The following AZIN2 variants were observed in gnomAD, a reference collection of about 807,000 sequenced individuals.
AZIN2 encodes the protein antizyme inhibitor 2, also known as ODC antizyme inhibitor-2.
A neutral mutation model predicts 47.8 loss-of-function variants in AZIN2; 28 were observed. The observed-to-expected ratio is 0.59, with a 90% CI of 0.43 to 0.80. The LOEUF is 0.80. Ranked by LOEUF, AZIN2 falls within the 30% of genes least tolerant of loss-of-function variation. AZIN2 has a pLI of 0.00. For missense variants in AZIN2, 535 were observed against 582.5 expected (o/e 0.92, Z 0.84); for synonymous variants, 221 against 239.4 (o/e 0.92, Z 0.71).
chr1:33,165,800 C>T, the AZIN2 span: 4 of 389,570 alleles, frequency 1.0e-5, no homozygotes, highest in Admixed American at 1.3e-4. This position sits in a 1 kb window ranked among gnomAD's most constrained non-coding sequence, Gnocchi z 4.0. Context: ...CCTCTTTGGC[C>T]ACCCTAGAGG....
At chr1:33,084,218 G>A (rs1641616984) in intron 5 of AZIN2, 91 bp downstream of exon 5, 1 of 1,503,632 alleles carries the variant, frequency 6.7e-7, no homozygotes, top group South Asian at 1.2e-5. Context: ...GGGAGCAAGA[G>A]GTACCTGTAG....
chr1:33,083,948 A>G lies in AZIN2; in HGVS notation c.106-6A>G, dbSNP rs1184420119. ...GTCTCACATTCATCCACTTCTTGTC[A>G]TTCAGGACGAGGTAGCTGCCTTCTT... On this transcript the variant is annotated splice_polypyrimidine_tract_variant and splice_region_variant and intron_variant, in intron 4 of 11. Coordinates refer to ENST00000294517, the MANE Select transcript of AZIN2 (RefSeq NM_052998.4). 1 of 1,613,934 alleles carries G rather than the reference A, an allele frequency of 6.2e-7. No homozygotes were observed. Among genetic ancestry groups the G allele is most frequent in the Admixed American group, 1.7e-5 (1 of 60,004 alleles).
intron 5 of AZIN2, 53 bp from the exon 6 acceptor site, chr1:33,091,997 C>T (rs1398789818): frequency 6.8e-5 from 107 of 1,582,596 alleles, no homozygotes; most frequent in East Asian, 2.5e-4. Context: ...CCTTGGGCTC[C>T]GTGGGCTAGC....
intron 11 of AZIN2, 199 bp downstream of exon 11, chr1:33,118,315 T>C (rs1644658396): frequency 1.9e-6 from 1 of 527,126 alleles, no homozygotes; most frequent in Non-Finnish European, 3.2e-6. Context: ...CTCACAGCCC[T>C]GAGGGAGGCA....
At chr1:33,165,739 A>C in the AZIN2 span, 3 of 452,452 alleles carry the variant, frequency 6.6e-6, no homozygotes, top group South Asian at 9.6e-5. This position sits in a 1 kb window ranked among gnomAD's most constrained non-coding sequence, Gnocchi z 4.0. Flanking sequence ...TCTCCTAAAC[A>C]CCTCCAGAAC....
downstream of AZIN2, among the ~76,000 whole-genome samples, chr1:33,124,367 G>A (rs1439962318): frequency 6.6e-6 from 1 of 151,742 alleles, no homozygotes; most frequent in African/African-American, 2.4e-5. The surrounding 1 kb of genome is among the most constrained non-coding windows in gnomAD (Gnocchi z 4.6). Context: ...AGCACGTCAG[G>A]ATCTTTGGGA....
At chr1:33,107,583 A>T (rs1237856357) in intron 10 of AZIN2, among the ~76,000 whole-genome samples, 3 of 152,178 alleles carry the variant, frequency 2.0e-5, no homozygotes, top group African/African-American at 4.8e-5. Context: ...CATCTCAAAA[A>T]CAAAACAAAA....
the AZIN2 span, among the ~76,000 whole-genome samples, chr1:33,136,113 C>CCCTTCCTTCCTTGCTT: frequency 7.5e-4 from 78 of 103,572 alleles, 3 homozygotes; most frequent in African/African-American, 2.7e-3. Flanking sequence ...CAGGGGCCAG[C>CCCTTCCTTCCTTGCTT]CCTTCCTTCC....
the AZIN2 span, chr1:33,165,894 G>T: frequency 5.0e-6 from 1 of 199,452 alleles, no homozygotes; most frequent in Non-Finnish European, 1.0e-5. This position sits in a 1 kb window ranked among gnomAD's most constrained non-coding sequence, Gnocchi z 4.0. Context: ...TAAGGCAGGG[G>T]TCTCCAACCC....
chr1:33,135,425 A>G, the AZIN2 span, among the ~76,000 whole-genome samples: 285 of 152,312 alleles, frequency 1.9e-3, 1 homozygote, highest in Middle Eastern at 6.8e-3. Flanking sequence ...CCACCCCAGT[A>G]AGAGACCACC....
intron 10 of AZIN2, among the ~76,000 whole-genome samples, chr1:33,111,825 G>A: frequency 6.6e-6 from 1 of 151,926 alleles, no homozygotes; most frequent in African/African-American, 2.4e-5. Context: ...GGCTGGTCTT[G>A]AACTCCTGAC....
chr1:33,144,477 C>T, the AZIN2 span, among the ~76,000 whole-genome samples: 11 of 152,278 alleles, frequency 7.2e-5, no homozygotes, highest in Middle Eastern at 3.4e-3. Flanking sequence ...TGTGATTTTG[C>T]GTGTACTAAA....
the AZIN2 span, among the ~76,000 whole-genome samples, chr1:33,132,831 T>C: frequency 6.6e-6 from 1 of 152,228 alleles, no homozygotes; most frequent in Non-Finnish European, 1.5e-5. Flanking sequence ...TCCTGAGATC[T>C]TGGGTAGTGA....
chr1:33,094,503 A>C (rs778321036), intron 7 of AZIN2, 45 bp from the exon 8 acceptor site: 1 of 1,581,762 alleles, frequency 6.3e-7, no homozygotes, highest in Non-Finnish European at 8.6e-7. Flanking sequence ...AGGTGGTGGC[A>C]CTTGGAGCCC....
chr1:33,147,804 C>T, the AZIN2 span: 1 of 1,523,964 alleles, frequency 6.6e-7, no homozygotes, highest in South Asian at 1.3e-5. The surrounding 1 kb of genome is among the most constrained non-coding windows in gnomAD (Gnocchi z 8.1). Context: ...TTCCTGAGGG[C>T]AGAGTTCTGG....
intron 5 of AZIN2, among the ~76,000 whole-genome samples, chr1:33,087,598 G>A (rs1372003041): frequency 2.0e-5 from 3 of 151,622 alleles, no homozygotes; most frequent in Non-Finnish European, 2.9e-5. Context: ...CACCATGCCC[G>A]GCTAATTTTT....
At chr1:33,097,064 A>G (rs1369662638) in intron 9 of AZIN2, 195 bp downstream of exon 9, 2 of 638,204 alleles carry the variant, frequency 3.1e-6, no homozygotes, top group African/African-American at 1.8e-5. Flanking sequence ...TTTCCTAGGC[A>G]TGTTCATATT....
intron 10 of AZIN2, among the ~76,000 whole-genome samples, chr1:33,099,517 G>A (rs748028549): frequency 3.2e-4 from 48 of 152,220 alleles, no homozygotes; most frequent in Non-Finnish European, 5.3e-4. Flanking sequence ...TTGAGTCCCC[G>A]TTACTCTGCC....
At chr1:33,161,335 G>A in the AZIN2 span, among the ~76,000 whole-genome samples, 2 of 152,198 alleles carry the variant, frequency 1.3e-5, no homozygotes, top group Admixed American at 6.5e-5. The surrounding 1 kb of genome is among the most constrained non-coding windows in gnomAD (Gnocchi z 4.3). Context: ...AGGACGACAC[G>A]GGCTATAGAA....
Sources: allele counts gnomAD v4.1 joint callset (sites outside exome capture counted in the v4.1 genomes callset), GRCh38; gene constraint gnomAD v4.1.1; non-coding constraint Gnocchi (gnomAD v3.1); transcripts MANE v1.5; gene names NCBI Gene and HGNC (gene_info 2026-07-23, HGNC 2026-07-21).